Variants in DDX19B observed in about 807,000 individuals in gnomAD.
DDX19B encodes the protein DEAD-box helicase 19B, also known as ATP-dependent RNA helicase DDX19B.
Under a neutral mutation model 58.1 loss-of-function variants are expected in DDX19B, and 27 were observed. That is an observed-to-expected ratio of 0.46 (90% CI 0.34 to 0.64). DDX19B has a LOEUF of 0.64. Among genes scored for constraint, DDX19B ranks in the 30% least tolerant of loss-of-function variants. DDX19B has a pLI of 0.01. For missense variants in DDX19B, 399 were observed against 596.5 expected (o/e 0.67, Z 3.45); for synonymous variants, 187 against 214.4 (o/e 0.87, Z 1.12).
intron 7 of DDX19B, among the ~76,000 whole-genome samples, chr16:70,328,808 C>A (rs1032885092): frequency 5.3e-5 from 8 of 152,086 alleles, no homozygotes; most frequent in Admixed American, 2.0e-4. Context: ...CCATTAAATG[C>A]TATAGTGATA....
chr16:70,299,102 A>G (rs56090000), upstream of DDX19B: 18,266 of 1,323,950 alleles, frequency 0.014, 2,153 homozygotes, highest in African/African-American at 0.25. Flanking sequence ...GTCTGAGGGC[A>G]ACAGAATCGA....
chr16:70,309,915 T>C (rs1460758319), intron 1 of DDX19B, among the ~76,000 whole-genome samples: 2 of 148,984 alleles, frequency 1.3e-5, no homozygotes, highest in African/African-American at 5.0e-5. Flanking sequence ...CTCTCTACCC[T>C]CCTTCCCCTT....
At chr16:70,316,590 A>G (rs1420902037) in intron 4 of DDX19B, among the ~76,000 whole-genome samples, 1 of 152,074 alleles carries the variant, frequency 6.6e-6, no homozygotes. Context: ...CCAAGGTGAG[A>G]GGATCACTTG....
intron 3 of DDX19B, among the ~76,000 whole-genome samples, chr16:70,315,341 C>G (rs895728893): frequency 1.4e-5 from 2 of 146,758 alleles, no homozygotes; most frequent in Non-Finnish European, 3.0e-5. Flanking sequence ...GAGCCGAGAT[C>G]GAGCCACTGC....
chr16:70,303,827 G>A (rs1961599311), intron 1 of DDX19B, among the ~76,000 whole-genome samples: 1 of 149,912 alleles, frequency 6.7e-6, no homozygotes. Flanking sequence ...CCAAAGTGCT[G>A]GGATTACAGG....
chr16:70,306,182 T>C (rs374010139), intron 1 of DDX19B, among the ~76,000 whole-genome samples: 12 of 150,038 alleles, frequency 8.0e-5, no homozygotes, highest in African/African-American at 2.9e-4. Flanking sequence ...AATAGAGTCT[T>C]ACTTTGTCAC....
upstream of DDX19B, chr16:70,294,932 G>C: frequency 1.3e-6 from 2 of 1,514,916 alleles, no homozygotes; most frequent in Non-Finnish European, 1.8e-6. Context: ...GTATCTGCGA[G>C]GGTAGAAGCC....
rs1963048147 is a variant in DDX19B, at chr16:70,324,683, C to T, written c.488C>T (p.Pro163Leu). ...CAAGTAGAACCTGCAAACAAATACC[C>T]CCAGGTAAGGATTTATGAATTTAGG... Reference protein sequence around the residue: ...LSQVEPANKYPQCLCLSPTYE... With the variant: ...LSQVEPANKYLQCLCLSPTYE... The change falls in exon 6 of 12, where the codon CCC (proline) becomes CTC (leucine). Residue 163 changes from proline to leucine, a missense_variant. Around this residue, in one of 4 missense-constraint regions of DDX19B, gnomAD observed 67 missense variants for 74.3 expected, o/e 0.90. Transcript: ENST00000288071. The T allele has an allele frequency of 6.2e-7, 1 of 1,610,682 alleles. No individual in the cohort carries two copies. Among genetic ancestry groups the T allele is most frequent in the Non-Finnish European group, 8.5e-7 (1 of 1,179,194 alleles).
chr16:70,293,342 A>C (rs2152177560), upstream of DDX19B, among the ~76,000 whole-genome samples: 1 of 149,256 alleles, frequency 6.7e-6, no homozygotes, highest in South Asian at 2.1e-4. Context: ...AGCTTGAGAC[A>C]GGGAAGTAAA....
intron 1 of DDX19B, 27 bp downstream of exon 1, chr16:70,299,381 T>C: frequency 1.3e-6 from 2 of 1,590,254 alleles, no homozygotes; most frequent in Non-Finnish European, 1.7e-6. Context: ...CCTAAAAGGG[T>C]CAGGGGACTA....
At chr16:70,312,037 T>A (rs1962122376) in intron 1 of DDX19B, among the ~76,000 whole-genome samples, 1 of 152,100 alleles carries the variant, frequency 6.6e-6, no homozygotes. Flanking sequence ...AGACGGGGTT[T>A]CACCATGTTG....
At chr16:70,317,688 C>A in intron 5 of DDX19B, 100 bp downstream of exon 5, 1 of 1,017,550 alleles carries the variant, frequency 9.8e-7, no homozygotes. Flanking sequence ...CCTATAATCC[C>A]AGCAACCTGA....
chr16:70,329,218 G>C, intron 7 of DDX19B, 74 bp from the exon 8 acceptor site: 1 of 1,384,762 alleles, frequency 7.2e-7, no homozygotes, highest in Non-Finnish European at 9.7e-7. Flanking sequence ...GTGAGACTCT[G>C]TCTCAAAAAA....
rs568610716 is a variant in DDX19B, at chr16:70,322,588, CAAA to C, written c.390-1976_390-1974del. The stretch of plus-strand genomic sequence containing the variant: ...TGGGCGACAAAGTGAGACCTTGTCT[CAAA>C]AAAAAAAAAAAAAAAAAAAAGGCCG... On this transcript the variant is annotated intron_variant, in intron 5 of 11. Coordinates refer to ENST00000288071, the MANE Select transcript of DDX19B (RefSeq NM_007242.7). 6.7e-4 allele frequency among the ~76,000 whole-genome samples: 32 copies of C among 47,508 alleles called. No homozygotes were observed. The East Asian group carries it at 0.017, about 25-fold the overall frequency. The allele number at this position is 47,508 out of a possible 152,430, so 31.2% of individuals were successfully genotyped here.
At chr16:70,298,611 C>T (rs1352025329), upstream of DDX19B, among the ~76,000 whole-genome samples, 1 of 151,942 alleles carries the variant, frequency 6.6e-6, no homozygotes, top group Non-Finnish European at 1.5e-5. Flanking sequence ...GCCTCGGCCT[C>T]CAGAAGTGCT....
intron 6 of DDX19B, among the ~76,000 whole-genome samples, chr16:70,325,029 C>T (rs1408165388): frequency 6.6e-6 from 1 of 151,978 alleles, no homozygotes; most frequent in East Asian, 1.9e-4. Context: ...CCAGCCTGGG[C>T]AAAAAGAACG....
upstream of DDX19B, chr16:70,294,934 G>C (rs1282512178): frequency 2.0e-6 from 3 of 1,508,666 alleles, no homozygotes; most frequent in Non-Finnish European, 2.6e-6. Flanking sequence ...ATCTGCGAGG[G>C]TAGAAGCCAG....
At chr16:70,299,122 G>A, upstream of DDX19B, 3 of 1,339,058 alleles carry the variant, frequency 2.2e-6, no homozygotes, top group Non-Finnish European at 2.9e-6. Flanking sequence ...ACAGCCTCAA[G>A]TGGGCAAAGG....
chr16:70,303,393 C>T (rs747242320), intron 1 of DDX19B, among the ~76,000 whole-genome samples: 4 of 152,164 alleles, frequency 2.6e-5, no homozygotes, highest in Non-Finnish European at 4.4e-5. Context: ...AAGCAATCCG[C>T]CCACCTGGGC....
Sources: gnomAD v4.1 joint callset for allele counts (sites outside exome capture counted in the v4.1 genomes callset) on GRCh38, gnomAD v4.1.1 for gene constraint, gnomAD v4.1.1 regional missense constraint, MANE v1.5 for transcripts, NCBI Gene and HGNC (gene_info 2026-07-23, HGNC 2026-07-21) for gene names.